PPP1R1C: variants seen among roughly 807,000 people sequenced by gnomAD.
PPP1R1C encodes protein phosphatase 1 regulatory subunit 1C.
A neutral mutation model predicts 17.4 loss-of-function variants in PPP1R1C; 15 were observed. The observed-to-expected ratio is 0.86, with a 90% CI of 0.58 to 1.33. The LOEUF is 1.33. Ranked by LOEUF, PPP1R1C falls within the 40% of genes most tolerant of loss-of-function variation. PPP1R1C has a pLI of 0.00. For missense variants in PPP1R1C, 143 were observed against 130.0 expected, an observed-to-expected ratio of 1.10 and a Z score of -0.48; for synonymous variants, 35 against 43.1, an observed-to-expected ratio of 0.81 and a Z score of 0.73.
chr2:182,006,184 A>G lies in PPP1R1C; in HGVS notation c.142+18285A>G, dbSNP rs144237964. On this transcript the variant is annotated intron_variant, in intron 2 of 4. Coordinates refer to ENST00000682840, the MANE Select transcript of PPP1R1C (RefSeq NM_001080545.3). ...TTAAAGAACTAGCAACTTAAAAGTC[A>G]ATGAAAGAGAATTTGGGTTAATTTT... Among the ~76,000 whole-genome samples the G allele has an allele frequency of 2.2e-3, 337 of 152,298 alleles. 2 individuals are homozygous for G. The highest frequency in any genetic ancestry group is 7.9e-3 in the African/African-American group (327 of 41,578).
chr2:182,087,340 C>A (rs1321711500), intron 4 of PPP1R1C, among the ~76,000 whole-genome samples: 1 of 152,200 alleles, frequency 6.6e-6, no homozygotes. Context: ...GCCTGAAGCA[C>A]CTGGCTTCTT....
rs1328846570 is a variant in PPP1R1C, at chr2:182,125,329, A to C, written c.*7-3645A>C. ...TATTTTATTGAGGGTTTTCACATCG[A>C]TGTTCATCAGGTATATTGGCCTGAA... On this transcript the variant is annotated intron_variant, in intron 5 of 5. Transcript: ENST00000280295. 2.0e-5 allele frequency among the ~76,000 whole-genome samples: 3 copies of C among 152,134 alleles called. No homozygotes were observed. In the East Asian group the frequency reaches 5.8e-4, roughly 29 times the overall value.
At chr2:181,980,634 A>G (rs1450391718) in intron 2 of PPP1R1C, among the ~76,000 whole-genome samples, 2 of 152,182 alleles carry the variant, frequency 1.3e-5, no homozygotes, top group Admixed American at 1.3e-4. Flanking sequence ...ATCATGGCTA[A>G]TATGGACTTG....
intron 4 of PPP1R1C, among the ~76,000 whole-genome samples, chr2:182,079,941 T>C (rs1688424025): frequency 6.6e-6 from 1 of 152,212 alleles, no homozygotes; most frequent in South Asian, 2.1e-4. Flanking sequence ...ATTTAGAATA[T>C]TGGCTACTTC....
chr2:182,063,597 G>A, intron 3 of PPP1R1C, 134 bp from the exon 4 acceptor site: 1 of 708,480 alleles, frequency 1.4e-6, no homozygotes. Context: ...TCATTAATTA[G>A]ATTCTATTTC....
intron 2 of PPP1R1C, among the ~76,000 whole-genome samples, chr2:182,044,522 C>T (rs960191657): frequency 5.3e-5 from 8 of 152,160 alleles, no homozygotes; most frequent in African/African-American, 1.9e-4. Context: ...GCCCACTCAC[C>T]TTTGCTGGCC....
chr2:182,036,769 C>A (rs1345156253), intron 2 of PPP1R1C, among the ~76,000 whole-genome samples: 1 of 151,862 alleles, frequency 6.6e-6, no homozygotes, highest in Non-Finnish European at 1.5e-5. Flanking sequence ...TTGCACCAAC[C>A]TAATATGTGT....
intron 2 of PPP1R1C, among the ~76,000 whole-genome samples, chr2:182,015,297 C>G (rs1574378703): frequency 6.6e-6 from 1 of 152,124 alleles, no homozygotes. Flanking sequence ...TTATAAGGTT[C>G]TCATTCTCTC....
intron 2 of PPP1R1C, among the ~76,000 whole-genome samples, chr2:182,014,362 T>G (rs1686189079): frequency 6.6e-6 from 1 of 152,202 alleles, no homozygotes; most frequent in South Asian, 2.1e-4. Context: ...TAGCAGAAGC[T>G]CTTGTTATCT....
intron 5 of PPP1R1C, among the ~76,000 whole-genome samples, chr2:182,126,131 T>TA: frequency 6.6e-6 from 1 of 152,102 alleles, no homozygotes; most frequent in Non-Finnish European, 1.5e-5. Context: ...TAATATAGAT[T>TA]TATGCATTCA....
rs1684920851 is a variant in PPP1R1C, at chr2:181,967,270, TA to T, written n.112-7948del. On this transcript the variant is annotated intron_variant and non_coding_transcript_variant, in intron 1 of 5. Coordinates refer to the PPP1R1C transcript ENST00000464264. The surrounding 1 kb of genome is among the most constrained non-coding windows in gnomAD (Gnocchi z 5.5). The stretch of plus-strand genomic sequence containing the variant: ...CCAAATTTTCCCTTTATTAATCTCA[TA>T]TTTTTTGGTTTCAATTTCATTTATT... Among the ~76,000 whole-genome samples the T allele has an allele frequency of 6.6e-6, 1 of 152,142 alleles. No individual in the cohort carries two copies. The highest frequency in any genetic ancestry group is 1.5e-5 in the Non-Finnish European group (1 of 68,004).
chr2:182,058,533 G>A (rs1687754688), intron 2 of PPP1R1C, among the ~76,000 whole-genome samples: 1 of 152,064 alleles, frequency 6.6e-6, no homozygotes, highest in Non-Finnish European at 1.5e-5. Context: ...CTGTACTTAA[G>A]GAGTGGGAAA....
At chr2:182,076,215 T>C (rs1221992238) in intron 4 of PPP1R1C, among the ~76,000 whole-genome samples, 22 of 100,280 alleles carry the variant, frequency 2.2e-4, no homozygotes, top group Non-Finnish European at 9.6e-5. Context: ...TTTTTTTTTT[T>C]TTTTTTTTTT....
intron 2 of PPP1R1C, among the ~76,000 whole-genome samples, chr2:182,026,077 T>C (rs1334835202): frequency 1.9e-5 from 2 of 105,348 alleles, no homozygotes; most frequent in African/African-American, 9.0e-5. Flanking sequence ...TCTTGTAAAT[T>C]TGTTTGAGTT....
intron 2 of PPP1R1C, among the ~76,000 whole-genome samples, chr2:182,018,201 G>A (rs1303288506): frequency 2.0e-5 from 3 of 152,146 alleles, no homozygotes; most frequent in Non-Finnish European, 2.9e-5. Context: ...AACATTGAGA[G>A]TATAATTCCT....
chr2:181,972,357 A>T (rs1685025423), intron 1 of PPP1R1C, among the ~76,000 whole-genome samples: 1 of 152,244 alleles, frequency 6.6e-6, no homozygotes, highest in African/African-American at 2.4e-5. Flanking sequence ...GAACAAATAG[A>T]TGATTTCACT....
At chr2:182,077,603 G>C (rs1417538986) in intron 4 of PPP1R1C, among the ~76,000 whole-genome samples, 1 of 152,114 alleles carries the variant, frequency 6.6e-6, no homozygotes, top group Non-Finnish European at 1.5e-5. Context: ...ATAGACCAGA[G>C]CAGATCCCAT....
chr2:181,973,039 A>T (rs1031110562), intron 1 of PPP1R1C, among the ~76,000 whole-genome samples: 7 of 152,196 alleles, frequency 4.6e-5, no homozygotes, highest in African/African-American at 1.7e-4. Context: ...GTAAGAACAG[A>T]TGTATAACAG....
intron 4 of PPP1R1C, among the ~76,000 whole-genome samples, chr2:182,112,685 A>G (rs983018449): frequency 6.6e-6 from 1 of 152,108 alleles, no homozygotes; most frequent in African/African-American, 2.4e-5. Flanking sequence ...GTAGAATTCA[A>G]ATTCATAATT....
Sources: gnomAD v4.1 joint callset for allele counts (sites outside exome capture counted in the v4.1 genomes callset) on GRCh38, gnomAD v4.1.1 for gene constraint, Gnocchi (gnomAD v3.1) non-coding constraint, MANE v1.5 for transcripts, NCBI Gene and HGNC (gene_info 2026-07-23, HGNC 2026-07-21) for gene names.